GALNTL6: variants seen among roughly 807,000 people sequenced by gnomAD.
GALNTL6 encodes the protein polypeptide N-acetylgalactosaminyltransferase like 6.
A neutral mutation model predicts 73.7 loss-of-function variants in GALNTL6; 46 were observed. That is an observed-to-expected ratio of 0.62 (90% CI 0.49 to 0.80). The LOEUF is 0.80. Among genes scored for constraint, GALNTL6 ranks in the 30% least tolerant of loss-of-function variants. The pLI is 0.00. For synonymous variants in GALNTL6, 259 were observed against 263.7 expected, an observed-to-expected ratio of 0.98 and a Z score of 0.17; for missense variants, 604 against 755.0, an observed-to-expected ratio of 0.80 and a Z score of 2.34.
chr4:172,201,644 G>A (rs1451630233), intron 2 of GALNTL6, among the ~76,000 whole-genome samples: 1 of 151,786 alleles, frequency 6.6e-6, no homozygotes, highest in Non-Finnish European at 1.5e-5. Context: ...AAATATTTTT[G>A]TAGTACTTCC....
rs193250486 is a variant in GALNTL6, at chr4:172,336,951, A to G, written c.387-11572A>G. Reference sequence around the variant, plus strand: ...CTCCAACATTGGTACGCGTATATTTAGAATAGTTAAGTATTATTGTTGAAT... The same window carrying G: ...CTCCAACATTGGTACGCGTATATTTGGAATAGTTAAGTATTATTGTTGAAT... On this transcript the variant is annotated intron_variant, in intron 4 of 12. Coordinates refer to ENST00000506823, the MANE Select transcript of GALNTL6 (RefSeq NM_001034845.3). Among the ~76,000 whole-genome samples, 25 of 152,312 alleles carry G rather than the reference A, an allele frequency of 1.6e-4. 1 individual carries two copies. In the East Asian group the frequency reaches 4.8e-3, roughly 29 times the overall value.
intron 5 of GALNTL6, among the ~76,000 whole-genome samples, chr4:172,435,627 A>G (rs1474513498): frequency 1.3e-5 from 2 of 152,056 alleles, no homozygotes; most frequent in Non-Finnish European, 2.9e-5. Context: ...CGAGGAAAAG[A>G]TTTTTTTCCC....
chr4:172,559,213 C>T (rs530794165), intron 5 of GALNTL6, among the ~76,000 whole-genome samples: 5 of 151,556 alleles, frequency 3.3e-5, no homozygotes, highest in South Asian at 4.2e-4. Flanking sequence ...CACAGGCACC[C>T]GCCACCACGC....
intron 5 of GALNTL6, among the ~76,000 whole-genome samples, chr4:172,581,243 C>CT (rs1194566127): frequency 6.6e-6 from 1 of 152,146 alleles, no homozygotes; most frequent in East Asian, 1.9e-4. Context: ...GCAAAATCAT[C>CT]TTTTTCATTC....
intron 8 of GALNTL6, among the ~76,000 whole-genome samples, chr4:172,906,272 T>TG (rs1157709773): frequency 6.6e-6 from 1 of 150,920 alleles, no homozygotes; most frequent in Non-Finnish European, 1.5e-5. Flanking sequence ...AAAATGATAA[T>TG]GGGGAAAAAA....
At chr4:172,645,499 G>T (rs1002638172) in intron 5 of GALNTL6, among the ~76,000 whole-genome samples, 2 of 151,854 alleles carry the variant, frequency 1.3e-5, no homozygotes, top group Non-Finnish European at 2.9e-5. Context: ...AAATGAGTGT[G>T]TATGTGTGGG....
intron 2 of GALNTL6, among the ~76,000 whole-genome samples, chr4:172,057,097 C>T (rs1731038357): frequency 6.6e-6 from 1 of 151,970 alleles, no homozygotes; most frequent in South Asian, 2.1e-4. Flanking sequence ...ATGTATGTTA[C>T]TTATTAACTT....
At chr4:172,007,444 G>A (rs111512225) in intron 2 of GALNTL6, among the ~76,000 whole-genome samples, 15 of 151,864 alleles carry the variant, frequency 9.9e-5, no homozygotes, top group South Asian at 6.2e-4. Context: ...ACTATAAGCA[G>A]CGATGACAAA....
At chr4:172,834,554 G>C (rs2111064729) in intron 7 of GALNTL6, among the ~76,000 whole-genome samples, 1 of 152,370 alleles carries the variant, frequency 6.6e-6, no homozygotes, top group Middle Eastern at 3.4e-3. Flanking sequence ...GGAAAGAAGA[G>C]GATGGGCTGC....
At chr4:172,080,692 G>T (rs1731854540) in intron 2 of GALNTL6, among the ~76,000 whole-genome samples, 2 of 151,286 alleles carry the variant, frequency 1.3e-5, no homozygotes, top group Middle Eastern at 3.4e-3. Context: ...ATACAGTTTG[G>T]GTCTGATTTT....
At chr4:172,187,335 A>G (rs1010930760) in intron 2 of GALNTL6, among the ~76,000 whole-genome samples, 22 of 152,230 alleles carry the variant, frequency 1.4e-4, no homozygotes, top group Non-Finnish European at 2.2e-4. Flanking sequence ...TATGTTTTCA[A>G]ATACATTAAA....
At chr4:172,513,223 C>A (rs941175566) in intron 5 of GALNTL6, among the ~76,000 whole-genome samples, 10 of 152,018 alleles carry the variant, frequency 6.6e-5, no homozygotes, top group Non-Finnish European at 1.5e-4. Flanking sequence ...GAAGTTCTTT[C>A]TTCTACTTGT....
chr4:172,698,293 A>G (rs984341934), intron 5 of GALNTL6, among the ~76,000 whole-genome samples: 1 of 152,070 alleles, frequency 6.6e-6, no homozygotes, highest in African/African-American at 2.4e-5. Flanking sequence ...ATTCTGAATT[A>G]TTTGAAGACC....
intron 5 of GALNTL6, among the ~76,000 whole-genome samples, chr4:172,701,958 A>T (rs1430569813): frequency 6.6e-6 from 1 of 152,202 alleles, no homozygotes; most frequent in African/African-American, 2.4e-5. Context: ...CAAACAAAAT[A>T]AAAAATATTA....
intron 8 of GALNTL6, among the ~76,000 whole-genome samples, chr4:172,888,400 C>A (rs1745843074): frequency 6.6e-6 from 1 of 152,200 alleles, no homozygotes; most frequent in Non-Finnish European, 1.5e-5. Context: ...CATTCTTCTG[C>A]ATATAGATAT....
chr4:171,864,081 T>C (rs1289734412), intron 2 of GALNTL6, among the ~76,000 whole-genome samples: 1 of 152,204 alleles, frequency 6.6e-6, no homozygotes, highest in East Asian at 1.9e-4. Flanking sequence ...TTAATACCAC[T>C]TCTAAAGTAT....
intron 5 of GALNTL6, among the ~76,000 whole-genome samples, chr4:172,686,396 GC>G (rs1337861774): frequency 6.6e-6 from 1 of 152,094 alleles, no homozygotes; most frequent in Non-Finnish European, 1.5e-5. Flanking sequence ...AACATGAGAA[GC>G]CTGGCTCTGG....
intron 5 of GALNTL6, among the ~76,000 whole-genome samples, chr4:172,373,675 G>C (rs1298256527): frequency 6.6e-6 from 1 of 152,110 alleles, no homozygotes; most frequent in Non-Finnish European, 1.5e-5. Context: ...TGGGTAACTT[G>C]TCCCCTATAT....
chr4:172,797,255 CTTTT>C (rs553049313), intron 5 of GALNTL6, among the ~76,000 whole-genome samples: 17 of 149,308 alleles, frequency 1.1e-4, no homozygotes, highest in African/African-American at 4.2e-4. Flanking sequence ...TTTTGTTTTT[CTTTT>C]TTTTTTATTT....
Sources: allele counts gnomAD v4.1 joint callset (sites outside exome capture counted in the v4.1 genomes callset), GRCh38; gene constraint gnomAD v4.1.1; transcripts MANE v1.5; gene names NCBI Gene and HGNC (gene_info 2026-07-23, HGNC 2026-07-21).